Variants in CLMP observed in about 807,000 individuals in gnomAD.
The protein encoded by CLMP is CXADR like cell adhesion molecule.
Under a neutral mutation model 45.2 loss-of-function variants are expected in CLMP, and 27 were observed. That is an observed-to-expected ratio of 0.60 (90% CI 0.44 to 0.82). CLMP has a LOEUF of 0.82. CLMP is among the 40% of genes least tolerant of loss of function. The pLI, the probability that CLMP is intolerant of heterozygous loss-of-function variation, is 0.00. For missense variants in CLMP, 403 were observed against 448.4 expected (o/e 0.90, Z 0.91); for synonymous variants, 167 against 171.4 (o/e 0.97, Z 0.20).
chr11:123,143,277 A>C (rs560405576), intron 1 of CLMP, among the ~76,000 whole-genome samples: 1 of 152,330 alleles, frequency 6.6e-6, no homozygotes, highest in South Asian at 2.1e-4. Context: ...CTACAAGCTG[A>C]GTGACTGTTG....
intron 1 of CLMP, among the ~76,000 whole-genome samples, chr11:123,153,587 A>G (rs1254613362): frequency 6.6e-6 from 1 of 152,234 alleles, no homozygotes; most frequent in Non-Finnish European, 1.5e-5. Flanking sequence ...TTTGTGAAGT[A>G]TTGGTTTTTA....
chr11:123,099,829 C>A (rs1340030332), intron 1 of CLMP, among the ~76,000 whole-genome samples: 2 of 152,240 alleles, frequency 1.3e-5, no homozygotes, highest in Middle Eastern at 3.4e-3. Flanking sequence ...GCAGTGAGCA[C>A]AGTGACATGA....
intron 1 of CLMP, among the ~76,000 whole-genome samples, chr11:123,126,098 T>C (rs1016373810): frequency 6.6e-6 from 1 of 152,230 alleles, no homozygotes; most frequent in Non-Finnish European, 1.5e-5. Context: ...CCAGCCTGAA[T>C]ATATTGCTTC....
chr11:123,075,780 C>T (rs1865732191), intron 5 of CLMP, among the ~76,000 whole-genome samples: 1 of 152,112 alleles, frequency 6.6e-6, no homozygotes, highest in Non-Finnish European at 1.5e-5. Context: ...ATTTGTCTGC[C>T]TTAATAGGAT....
intron 1 of CLMP, among the ~76,000 whole-genome samples, chr11:123,138,930 C>T (rs569700441): frequency 6.6e-6 from 1 of 152,142 alleles, no homozygotes; most frequent in Non-Finnish European, 1.5e-5. Flanking sequence ...TCTGGTATTA[C>T]AGGGCGTGAG....
intron 1 of CLMP, among the ~76,000 whole-genome samples, chr11:123,133,958 A>G (rs1861029585): frequency 6.6e-6 from 1 of 152,122 alleles, no homozygotes; most frequent in Non-Finnish European, 1.5e-5. Context: ...CTCATGTCAC[A>G]TAAGACTTAT....
chr11:123,135,912 T>C, intron 1 of CLMP: 1 of 537,998 alleles, frequency 1.9e-6, no homozygotes, highest in Non-Finnish European at 3.8e-6. Context: ...GGGAGAACAT[T>C]CACGTCCTTA....
At chr11:123,153,886 A>G (rs959996239) in intron 1 of CLMP, among the ~76,000 whole-genome samples, 2 of 142,104 alleles carry the variant, frequency 1.4e-5, no homozygotes, top group Non-Finnish European at 3.0e-5. Flanking sequence ...GGGTTTCACC[A>G]TGTTGGCCAG....
chr11:123,184,843 C>A (rs550857427), intron 1 of CLMP, among the ~76,000 whole-genome samples: 70 of 152,348 alleles, frequency 4.6e-4, no homozygotes, highest in Non-Finnish European at 8.4e-4. Context: ...TGGCAGGAAT[C>A]TAACATGTGC....
At chr11:123,191,124 C>T (rs1476107405) in intron 1 of CLMP, among the ~76,000 whole-genome samples, 1 of 152,134 alleles carries the variant, frequency 6.6e-6, no homozygotes, top group Non-Finnish European at 1.5e-5. Flanking sequence ...TCATCAGATT[C>T]TACAAAGGGT....
At chr11:123,187,155 T>G (rs1273539350) in intron 1 of CLMP, among the ~76,000 whole-genome samples, 1 of 152,076 alleles carries the variant, frequency 6.6e-6, no homozygotes, top group African/African-American at 2.4e-5. Flanking sequence ...AACCTAAGGT[T>G]GGGGAGGTGA....
chr11:123,129,885 T>C (rs965371406), intron 1 of CLMP, among the ~76,000 whole-genome samples: 1 of 149,712 alleles, frequency 6.7e-6, no homozygotes, highest in Non-Finnish European at 1.5e-5. Flanking sequence ...TCACATCTAA[T>C]CCACCTACTC....
chr11:123,117,253 A>C (rs961346407), intron 1 of CLMP, among the ~76,000 whole-genome samples: 1 of 152,036 alleles, frequency 6.6e-6, no homozygotes, highest in African/African-American at 2.4e-5. Context: ...ATATAATTTC[A>C]TTTAATCAGA....
At chr11:123,175,551 G>A (rs1025748811) in intron 1 of CLMP, among the ~76,000 whole-genome samples, 3 of 152,206 alleles carry the variant, frequency 2.0e-5, no homozygotes, top group Non-Finnish European at 4.4e-5. Context: ...CCAGGCTGAC[G>A]GGCTCAAGAG....
At chr11:123,135,344 G>C (rs1861057675) in intron 1 of CLMP, among the ~76,000 whole-genome samples, 1 of 151,964 alleles carries the variant, frequency 6.6e-6, no homozygotes, top group South Asian at 2.1e-4. Flanking sequence ...AAGGTGGGGG[G>C]AGGGGACCCT....
At chr11:123,117,348 T>C (rs759017925) in intron 1 of CLMP, among the ~76,000 whole-genome samples, 2 of 151,966 alleles carry the variant, frequency 1.3e-5, no homozygotes, top group African/African-American at 2.4e-5. Context: ...ATCTAAGAGA[T>C]AATAATTGGT....
chr11:123,128,773 A>G (rs1163669362), intron 1 of CLMP, among the ~76,000 whole-genome samples: 1 of 152,232 alleles, frequency 6.6e-6, no homozygotes, highest in Non-Finnish European at 1.5e-5. Flanking sequence ...ATTAAAATAT[A>G]TAGAGGTGGG....
At chr11:123,166,743 G>A (rs998427066) in intron 1 of CLMP, among the ~76,000 whole-genome samples, 4 of 152,190 alleles carry the variant, frequency 2.6e-5, no homozygotes, top group Admixed American at 1.3e-4. Flanking sequence ...GTTGACAACA[G>A]TGTATTGTAT....
intron 2 of CLMP, among the ~76,000 whole-genome samples, chr11:123,091,090 T>G (rs998886045): frequency 1.3e-5 from 2 of 152,052 alleles, no homozygotes; most frequent in African/African-American, 2.4e-5. Context: ...TTTCTCTCTC[T>G]CTCTCTTTCT....
Sources: allele counts gnomAD v4.1 joint callset (sites outside exome capture counted in the v4.1 genomes callset), GRCh38; gene constraint gnomAD v4.1.1; transcripts MANE v1.5; gene names NCBI Gene and HGNC (gene_info 2026-07-23, HGNC 2026-07-21).